The following ROBO2 variants were observed in gnomAD, a reference collection of about 807,000 sequenced individuals.
ROBO2 encodes the protein roundabout guidance receptor 2.
Under a neutral mutation model 160.8 loss-of-function variants are expected in ROBO2, and 53 were observed. The ratio of observed to expected loss-of-function variants is 0.33; its 90% confidence interval spans 0.26 to 0.41. The LOEUF (loss-of-function observed/expected upper bound fraction) is 0.41. Among genes scored for constraint, ROBO2 ranks in the 10% least tolerant of loss-of-function variants. ROBO2 has a pLI of 1.00. For missense variants in ROBO2, 1,577 were observed against 1,722.4 expected (o/e 0.92, Z 1.49); for synonymous variants, 664 against 611.7 (o/e 1.09, Z -1.26).
At chr3:77,323,523 G>T (rs1451018172) in intron 2 of ROBO2, among the ~76,000 whole-genome samples, 1 of 152,122 alleles carries the variant, frequency 6.6e-6, no homozygotes, top group Admixed American at 6.6e-5. Flanking sequence ...GGCTATTTGA[G>T]AAAATGTGTA....
intron 2 of ROBO2, among the ~76,000 whole-genome samples, chr3:77,406,364 A>T (rs2076255493): frequency 6.6e-6 from 1 of 152,204 alleles, no homozygotes; most frequent in African/African-American, 2.4e-5. Context: ...GGATTTCTCC[A>T]GAATATTTGT....
rs540383831 is a variant in ROBO2, at chr3:77,062,649, A to G, written c.61+21803A>G. 6.6e-5 allele frequency among the ~76,000 whole-genome samples: 10 copies of G among 152,316 alleles called. No individual in the cohort carries two copies. The South Asian group carries it at 2.1e-3, about 32-fold the overall frequency. On this transcript the variant is annotated intron_variant, in intron 1 of 25. Transcript: ENST00000461745. ...AACAACTTAAGCATATTTAACTTTT[A>G]AAAAGTTTATCTGGGCATCCAGTGG...
intron 2 of ROBO2, among the ~76,000 whole-genome samples, chr3:77,173,662 A>C (rs2079854654): frequency 1.3e-5 from 2 of 152,084 alleles, no homozygotes; most frequent in African/African-American, 2.4e-5. Context: ...GTGTTGTATA[A>C]ATTTATTCTA....
intron 2 of ROBO2, among the ~76,000 whole-genome samples, chr3:76,601,835 A>G (rs2087171300): frequency 6.6e-6 from 1 of 152,142 alleles, no homozygotes; most frequent in African/African-American, 2.4e-5. Flanking sequence ...CCCTCAGAAA[A>G]TGGGTTTTTC....
intron 2 of ROBO2, among the ~76,000 whole-genome samples, chr3:75,941,291 A>G (rs1948043515): frequency 6.6e-6 from 1 of 152,144 alleles, no homozygotes; most frequent in East Asian, 1.9e-4. Context: ...TTAACAAAGA[A>G]GTGCTATTTT....
chr3:76,544,964 G>A (rs536483316), intron 2 of ROBO2, among the ~76,000 whole-genome samples: 73 of 151,978 alleles, frequency 4.8e-4, no homozygotes, highest in Non-Finnish European at 2.8e-4. Context: ...CCATGGACAA[G>A]AGATTCCCCT....
chr3:77,426,608 CTGTGTGTGTG>C (rs9309768), intron 2 of ROBO2, among the ~76,000 whole-genome samples: 2 of 140,550 alleles, frequency 1.4e-5, no homozygotes, highest in African/African-American at 2.7e-5. Context: ...ATGTGTGTGT[CTGTGTGTGTG>C]TGTGTGTGTG....
intron 2 of ROBO2, among the ~76,000 whole-genome samples, chr3:76,723,425 G>A (rs897641659): frequency 1.3e-5 from 2 of 152,058 alleles, no homozygotes; most frequent in Non-Finnish European, 2.9e-5. Flanking sequence ...CTATTTGTTT[G>A]CTTTATTTAA....
intron 2 of ROBO2, among the ~76,000 whole-genome samples, chr3:76,254,032 A>G (rs1464631355): frequency 6.6e-6 from 1 of 152,098 alleles, no homozygotes; most frequent in Admixed American, 6.6e-5. Flanking sequence ...ATAGCAATCT[A>G]TAGCTGTCTA....
chr3:76,666,959 CAT>C (rs142637389), intron 2 of ROBO2, among the ~76,000 whole-genome samples: 53,015 of 151,460 alleles, frequency 0.35, 9,727 homozygotes, highest in Middle Eastern at 0.49. Context: ...TATTATATGA[CAT>C]ATATATATGA....
chr3:77,033,100 T>C (rs2063422813), intron 2 of ROBO2, among the ~76,000 whole-genome samples: 2 of 152,206 alleles, frequency 1.3e-5, no homozygotes, highest in Admixed American at 1.3e-4. Context: ...GGCACTATTG[T>C]TATCTTTGTT....
intron 6 of ROBO2, among the ~76,000 whole-genome samples, chr3:77,534,662 A>C (rs2153637501): frequency 6.6e-6 from 1 of 152,320 alleles, no homozygotes; most frequent in African/African-American, 2.4e-5. Context: ...AGATTTATTA[A>C]AAATATATAA....
intron 2 of ROBO2, among the ~76,000 whole-genome samples, chr3:77,200,317 A>ATTTTTT (rs1215369321): frequency 2.9e-5 from 2 of 69,350 alleles, no homozygotes; most frequent in South Asian, 5.7e-4. Context: ...ATATATATAT[A>ATTTTTT]TATATTTTAG....
chr3:77,388,421 C>G (rs2074361651), intron 2 of ROBO2, among the ~76,000 whole-genome samples: 1 of 152,020 alleles, frequency 6.6e-6, no homozygotes, highest in Non-Finnish European at 1.5e-5. Context: ...TCTCTAAAAA[C>G]AAACAAACAA....
intron 1 of ROBO2, among the ~76,000 whole-genome samples, chr3:77,060,574 A>G (rs2066198977): frequency 6.6e-6 from 1 of 152,160 alleles, no homozygotes; most frequent in Non-Finnish European, 1.5e-5. Flanking sequence ...TATATTGATC[A>G]CTTTGAGCTA....
In ROBO2 at chr3:76,515,707, G is replaced by A. The variant is rs111473059; in HGVS notation, c.109+578105G>A. On this transcript the variant is annotated intron_variant, in intron 2 of 26. Coordinates refer to the ROBO2 transcript ENST00000487694. ...TATTTGTTATTAATACAGTGGGAGA[G>A]GAACAGTTATTGTCTTTAATATTGT... Among the ~76,000 whole-genome samples, 412 of 152,224 alleles carry A rather than the reference G, an allele frequency of 2.7e-3. 2 individuals carry two copies. The highest frequency in any genetic ancestry group is 9.6e-3 in the African/African-American group (397 of 41,544).
intron 2 of ROBO2, among the ~76,000 whole-genome samples, chr3:76,813,062 A>T (rs1364984597): frequency 6.6e-6 from 1 of 151,970 alleles, no homozygotes; most frequent in Non-Finnish European, 1.5e-5. Flanking sequence ...GGAACTTGGA[A>T]GAATATTAAA....
chr3:76,004,823 G>C (rs960735848), intron 2 of ROBO2, among the ~76,000 whole-genome samples: 6 of 152,128 alleles, frequency 3.9e-5, no homozygotes, highest in African/African-American at 1.4e-4. Flanking sequence ...TTACACTACT[G>C]TAAACATTTG....
At chr3:77,294,812 C>A (rs1231385222) in intron 2 of ROBO2, among the ~76,000 whole-genome samples, 1 of 150,084 alleles carries the variant, frequency 6.7e-6, no homozygotes, top group Non-Finnish European at 1.5e-5. Context: ...GGCTAGATCA[C>A]CCCAGACATA....
Sources: allele counts gnomAD v4.1 joint callset (sites outside exome capture counted in the v4.1 genomes callset), GRCh38; gene constraint gnomAD v4.1.1; transcripts MANE v1.5; gene names NCBI Gene and HGNC (gene_info 2026-07-23, HGNC 2026-07-21).